KCTD16: variants seen among roughly 807,000 people sequenced by gnomAD.
The protein encoded by KCTD16 is BTB/POZ domain-containing protein KCTD16.
In KCTD16, 13 loss-of-function variants were observed where a neutral mutation model predicts 33.2. The observed-to-expected ratio is 0.39, with a 90% CI of 0.25 to 0.62. KCTD16 has a LOEUF of 0.62. Ranked by LOEUF, KCTD16 falls within the 20% of genes least tolerant of loss-of-function variation. The pLI is 0.50. For missense variants in KCTD16, 441 were observed against 525.1 expected (o/e 0.84, Z 1.57); for synonymous variants, 197 against 195.3 (o/e 1.01, Z -0.07).
At chr5:144,282,748 G>T (rs1755640537) in intron 3 of KCTD16, among the ~76,000 whole-genome samples, 1 of 152,086 alleles carries the variant, frequency 6.6e-6, no homozygotes, top group African/African-American at 2.4e-5. Flanking sequence ...TATTTATGTA[G>T]CCCAGTCTTA....
intron 3 of KCTD16, among the ~76,000 whole-genome samples, chr5:144,440,166 C>T (rs939706973): frequency 3.3e-5 from 5 of 152,116 alleles, no homozygotes; most frequent in African/African-American, 9.7e-5. Flanking sequence ...GACTTTTATA[C>T]TAAACATTTC....
intron 3 of KCTD16, among the ~76,000 whole-genome samples, chr5:144,334,288 G>A (rs539928422): frequency 6.6e-6 from 1 of 152,154 alleles, no homozygotes; most frequent in Non-Finnish European, 1.5e-5. Flanking sequence ...GTGTCCTGGT[G>A]GGGTAGATAT....
At chr5:144,311,001 C>T (rs1751752363) in intron 3 of KCTD16, among the ~76,000 whole-genome samples, 1 of 152,150 alleles carries the variant, frequency 6.6e-6, no homozygotes, top group South Asian at 2.1e-4. Context: ...TTGGATTGTG[C>T]TAGATTTCCT....
At chr5:144,391,012 C>T (rs1752437016) in intron 3 of KCTD16, among the ~76,000 whole-genome samples, 1 of 151,924 alleles carries the variant, frequency 6.6e-6, no homozygotes, top group African/African-American at 2.4e-5. Context: ...CTACAGCTCC[C>T]CCGCCACAAC....
chr5:144,207,874 A>T (rs1209535328), intron 3 of KCTD16, among the ~76,000 whole-genome samples: 1 of 152,228 alleles, frequency 6.6e-6, no homozygotes, highest in African/African-American at 2.4e-5. Flanking sequence ...TGATTATTAC[A>T]TCTTGGCTGT....
At chr5:144,174,225 C>A (rs557999922) in intron 1 of KCTD16, 82 bp from the exon 2 acceptor site, 16 of 152,332 alleles carry the variant, frequency 1.1e-4, no homozygotes, top group African/African-American at 3.8e-4. Context: ...TTCACAAACA[C>A]ACGCAAAACA....
Position 144,468,655 on chromosome 5 carries a change from A to G in KCTD16, c.833-5005A>G, listed in dbSNP as rs190437670. On this transcript the variant is annotated intron_variant, in intron 3 of 3. Coordinates refer to ENST00000512467, the MANE Select transcript of KCTD16 (RefSeq NM_020768.4). ...GGCCATTATTGACTTTTCAACTGGG[A>G]TACCAAGAAAGCCTTTCAGCAGCCT... 1.6e-4 allele frequency among the ~76,000 whole-genome samples: 25 copies of G among 152,326 alleles called. No individual in the cohort carries two copies. The East Asian group carries it at 2.5e-3, about 15-fold the overall frequency.
At chr5:144,225,897 A>T (rs1304665416) in intron 3 of KCTD16, among the ~76,000 whole-genome samples, 1 of 152,192 alleles carries the variant, frequency 6.6e-6, no homozygotes, top group African/African-American at 2.4e-5. Flanking sequence ...ATTACTTTAG[A>T]AGCCTAGCTA....
intron 3 of KCTD16, among the ~76,000 whole-genome samples, chr5:144,392,512 A>G (rs1317233488): frequency 6.6e-6 from 1 of 152,220 alleles, no homozygotes. Context: ...CTGTGTGACC[A>G]GATGAGAGGT....
At chr5:144,418,024 T>C (rs977980256) in intron 3 of KCTD16, among the ~76,000 whole-genome samples, 2 of 152,198 alleles carry the variant, frequency 1.3e-5, no homozygotes, top group Non-Finnish European at 2.9e-5. Context: ...GTAGTCTTGC[T>C]GACTTCAGGT....
At chr5:144,441,316 T>A (rs76735630) in intron 3 of KCTD16, among the ~76,000 whole-genome samples, 7,593 of 152,206 alleles carry the variant, frequency 0.05, 642 homozygotes, top group African/African-American at 0.17. Flanking sequence ...TAGTGCCATA[T>A]CTAATAAACC....
intron 2 of KCTD16, among the ~76,000 whole-genome samples, chr5:144,191,392 G>A (rs1245195627): frequency 5.3e-5 from 8 of 152,162 alleles, no homozygotes; most frequent in Non-Finnish European, 1.5e-5. Flanking sequence ...TTTTGCTCCA[G>A]CCAAACTGGA....
At chr5:144,365,075 C>T (rs114587756) in intron 3 of KCTD16, among the ~76,000 whole-genome samples, 1,884 of 151,522 alleles carry the variant, frequency 0.012, 31 homozygotes, top group African/African-American at 0.043. Context: ...GACAAGTTAC[C>T]GTTGCTACAA....
intron 3 of KCTD16, among the ~76,000 whole-genome samples, chr5:144,242,760 G>T (rs1754439877): frequency 6.6e-6 from 1 of 152,026 alleles, no homozygotes; most frequent in South Asian, 2.1e-4. Flanking sequence ...AGGAAGCAAG[G>T]GGAGGAGGAG....
rs73792072 is a variant in KCTD16 at position 144,473,182 on chromosome 5, C to T, written c.833-478C>T. 2.9e-3 allele frequency among the ~76,000 whole-genome samples: 438 copies of T among 152,266 alleles called. 3 individuals are homozygous for T. The highest frequency in any genetic ancestry group is 9.4e-3 in the African/African-American group (389 of 41,564). Reference sequence around the variant, plus strand: ...CTCCTGTTGTACCTGACTGTTGTCACTTGGAGCTTTCCATCAGCTATGGAA... The same window carrying T: ...CTCCTGTTGTACCTGACTGTTGTCATTTGGAGCTTTCCATCAGCTATGGAA... On this transcript the variant is annotated intron_variant, in intron 3 of 3. Transcript: ENST00000512467.
intron 3 of KCTD16, among the ~76,000 whole-genome samples, chr5:144,285,846 T>C (rs1476777495): frequency 6.6e-6 from 1 of 152,150 alleles, no homozygotes; most frequent in African/African-American, 2.4e-5. Context: ...TTTTCACCCA[T>C]TTTTCCAAAA....
intron 3 of KCTD16, among the ~76,000 whole-genome samples, chr5:144,238,860 T>C (rs745672026): frequency 2.6e-5 from 4 of 152,194 alleles, no homozygotes; most frequent in Non-Finnish European, 5.9e-5. Context: ...TGCTAGGCAC[T>C]AGGGATACAA....
intron 3 of KCTD16, among the ~76,000 whole-genome samples, chr5:144,470,924 T>TGGG (rs1177344373): frequency 1.2e-4 from 19 of 152,282 alleles, no homozygotes; most frequent in African/African-American, 4.6e-4. Flanking sequence ...CTCACACCTA[T>TGGG]AATCCCAGCA....
At chr5:144,357,661 C>T (rs1234374411) in intron 3 of KCTD16, among the ~76,000 whole-genome samples, 1 of 152,120 alleles carries the variant, frequency 6.6e-6, no homozygotes, top group African/African-American at 2.4e-5. Context: ...AAGAACTTCA[C>T]AGAGGACATA....
Sources: allele counts gnomAD v4.1 joint callset (sites outside exome capture counted in the v4.1 genomes callset), GRCh38; gene constraint gnomAD v4.1.1; transcripts MANE v1.5; gene names NCBI Gene and HGNC (gene_info 2026-07-23, HGNC 2026-07-21).